SFT2D2: variants seen among roughly 807,000 people sequenced by gnomAD.
The protein encoded by SFT2D2 is vesicle transport protein SFT2B.
In SFT2D2, 21 loss-of-function variants were observed where a neutral mutation model predicts 27.4. The observed-to-expected ratio is 0.77, with a 90% CI of 0.54 to 1.10. SFT2D2 has a LOEUF of 1.10. Among genes scored for constraint, SFT2D2 ranks in the 50% least tolerant of loss-of-function variants. The probability of loss-of-function intolerance (pLI) is 0.00; values close to 1 mark genes in which losing one functional copy is unlikely to be tolerated. For synonymous variants in SFT2D2, 72 were observed against 71.7 expected, an observed-to-expected ratio of 1.00 and a Z score of -0.02; for missense variants, 187 against 194.2, an observed-to-expected ratio of 0.96 and a Z score of 0.22.
At chr1:168,235,346 A>G (rs1464842195) in intron 4 of SFT2D2, among the ~76,000 whole-genome samples, 164 bp downstream of exon 4, 1 of 152,162 alleles carries the variant, frequency 6.6e-6, no homozygotes, top group Non-Finnish European at 1.5e-5. Flanking sequence ...TCTAAGTAAT[A>G]CTACGATCCC....
chr1:168,236,532 G>GT (rs919851992), intron 4 of SFT2D2, 57 bp from the exon 5 acceptor site: 21,395 of 1,253,306 alleles, frequency 0.017, no homozygotes, highest in Non-Finnish European at 0.019. Context: ...CAAGTTTTGA[G>GT]TTTTTTTTTT....
chr1:168,245,378 CT>C lies in SFT2D2; in HGVS notation c.*2840del, dbSNP rs947041486. ...TACAATAGCATTAAAATATAAAATT[CT>C]TGGGAATAAACCCGACAAACTATGT... On this transcript the variant is annotated 3_prime_UTR_variant, in exon 8 of 8. Coordinates refer to ENST00000271375, the MANE Select transcript of SFT2D2 (RefSeq NM_199344.3). 2 of 152,060 alleles carry C rather than the reference CT, an allele frequency of 1.3e-5. No individual in the cohort carries two copies. Among genetic ancestry groups the C allele is most frequent in the Non-Finnish European group, 2.9e-5 (2 of 68,010 alleles). The allele number at this position is 152,060 out of a possible 1,614,324, so 9.4% of individuals were successfully genotyped here.
At position 168,230,671 on chromosome 1, in the gene SFT2D2, C is replaced by T. The variant is rs190063486; in HGVS notation, c.64-843C>T. ...TGTATTTTTAGTAGAGACAAGGTTT[C>T]GCCATGTTGGTCAGGCTGGTCTCGA... On this transcript the variant is annotated intron_variant, in intron 1 of 7. Transcript: ENST00000271375. 4.1e-3 allele frequency among the ~76,000 whole-genome samples: 630 copies of T among 152,228 alleles called. 4 individuals are homozygous for T. The highest frequency in any genetic ancestry group is 7.2e-3 in the Non-Finnish European group (488 of 68,012).
At position 168,246,030 on chromosome 1, in the gene SFT2D2, C is replaced by T. The variant is rs968864993; in HGVS notation, c.*3490C>T. On this transcript the variant is annotated 3_prime_UTR_variant, in exon 8 of 8. Transcript: ENST00000271375. ...CTCACTTTCTCAATGGACGCAGTGA[C>T]GCAATGAAGCATCCAGCAAAGCTTT... is the stretch of plus-strand genomic sequence containing the variant. 6.4e-5 allele frequency: 14 copies of T among 219,190 alleles called. No homozygotes were observed. The highest frequency in any genetic ancestry group is 1.6e-4 in the Admixed American group (3 of 18,434). The allele number at this position is 219,190 out of a possible 1,614,324, so 13.6% of individuals were successfully genotyped here.
chr1:168,240,122 TCGAGATGG>T (rs1647610214), intron 7 of SFT2D2, among the ~76,000 whole-genome samples: 1 of 142,212 alleles, frequency 7.0e-6, no homozygotes, highest in Non-Finnish European at 1.5e-5. Context: ...TTGCAGTGAG[TCGAGATGG>T]CGCCACTGCA....
In SFT2D2 at chr1:168,231,851, G is replaced by T. The variant is rs1304937627; in HGVS notation, c.168G>T (p.Trp56Cys). 1.2e-6 allele frequency: 2 copies of T among 1,613,968 alleles called. No individual in the cohort carries two copies. The highest frequency in any genetic ancestry group is 1.7e-6 in the Non-Finnish European group (2 of 1,180,006). The part of the protein sequence containing the change: ...LCSLLGTVLL[W>C]VPRKGLHLFA... ...AATTCCAGGGTACTGTTCTGCTGTGGGTGCCCAGGAAGGGACTACACCTCT... is the reference window on the plus strand; with the variant it reads ...AATTCCAGGGTACTGTTCTGCTGTGTGTGCCCAGGAAGGGACTACACCTCT... Residue 56 changes from tryptophan (W) to cysteine (C), a missense_variant, in exon 3 of 8, where the codon TGG (tryptophan) becomes TGT (cysteine). Transcript: ENST00000271375.
chr1:168,242,700 C>A lies in SFT2D2; in HGVS notation c.*160C>A. ...AACATTTGAGGGTTACTTTTGGAAG[C>A]AACAATACATTCTCGAACCTGAATG... On this transcript the variant is annotated 3_prime_UTR_variant, in exon 8 of 8. Transcript: ENST00000271375. 1.2e-6 allele frequency: 1 copy of A among 833,912 alleles called. No homozygotes were observed. Among genetic ancestry groups the A allele is most frequent in the Non-Finnish European group, 2.0e-6 (1 of 502,756 alleles). The allele number at this position is 833,912 out of a possible 1,614,324, so 51.7% of individuals were successfully genotyped here. A position where few individuals can be genotyped will look rare whatever the true frequency, so the allele number is the denominator to read the frequency against.
In SFT2D2 at chr1:168,246,426, A is replaced by C; in HGVS notation, c.*3886A>C. On this transcript the variant is annotated 3_prime_UTR_variant, in exon 8 of 8. Transcript: ENST00000271375. ...TGTGTACATTTTTTCAATGTCCTTC[A>C]TTTGACACCGTTTGGTTTAGCTCTC... is the stretch of plus-strand genomic sequence containing the variant. The C allele has an allele frequency of 9.7e-7, 1 of 1,026,086 alleles. No individual in the cohort carries two copies. The highest frequency in any genetic ancestry group is 1.4e-6 in the Non-Finnish European group (1 of 738,512). 63.6% of individuals were successfully genotyped at this position (1,026,086 alleles called of 1,614,324 possible). A position where few individuals can be genotyped will look rare whatever the true frequency, so the allele number is the denominator to read the frequency against.
chr1:168,231,423 A>T, intron 1 of SFT2D2, 91 bp from the exon 2 acceptor site: 2 of 1,122,530 alleles, frequency 1.8e-6, no homozygotes, highest in Non-Finnish European at 2.6e-6. Flanking sequence ...GCCTTCCCTA[A>T]TACAACTTAA....
At chr1:168,229,607 C>G (rs939684991) in intron 1 of SFT2D2, 3 of 152,312 alleles carry the variant, frequency 2.0e-5, no homozygotes, top group Non-Finnish European at 4.4e-5. Flanking sequence ...TACAGACAAG[C>G]CATGCCAATC....
At chr1:168,233,751 T>C (rs1647396639) in intron 3 of SFT2D2, among the ~76,000 whole-genome samples, 1 of 152,178 alleles carries the variant, frequency 6.6e-6, no homozygotes, top group Non-Finnish European at 1.5e-5. Context: ...CAAATCCCTA[T>C]GGGCTGGATT....
chr1:168,238,698 A>C (rs1022455948), intron 6 of SFT2D2, among the ~76,000 whole-genome samples: 14 of 142,570 alleles, frequency 9.8e-5, no homozygotes, highest in Non-Finnish European at 1.8e-4. Context: ...ACCCTGTCTC[A>C]AAAAAAAAAA....
chr1:168,232,020 A>G (rs181998413), intron 3 of SFT2D2, 101 bp downstream of exon 3: 53 of 915,610 alleles, frequency 5.8e-5, no homozygotes, highest in Non-Finnish European at 8.7e-5. Flanking sequence ...CAGTAGTTGT[A>G]AGGAATTTGG....
intron 6 of SFT2D2, 52 bp downstream of exon 6, chr1:168,236,822 G>A (rs767330803): frequency 1.3e-6 from 2 of 1,576,174 alleles, no homozygotes; most frequent in Admixed American, 1.7e-5. Flanking sequence ...GAATAATGTA[G>A]CCAAAGGAGA....
rs1177670903 is a variant in SFT2D2, at chr1:168,245,641, A to G, written c.*3101A>G. The G allele has an allele frequency of 6.8e-6, 1 of 147,162 alleles. No individual in the cohort carries two copies. The highest frequency in any genetic ancestry group is 2.5e-5 in the African/African-American group (1 of 39,784). 9.1% of individuals were successfully genotyped at this position (147,162 alleles called of 1,614,324 possible). On this transcript the variant is annotated 3_prime_UTR_variant, in exon 8 of 8. Coordinates refer to ENST00000271375, the MANE Select transcript of SFT2D2 (RefSeq NM_199344.3). The stretch of plus-strand genomic sequence containing the variant: ...GGCATGCAGATGATCTAGAAGATCC[A>G]CAGTAACTCTCCTGCTGTGCAGCTG...
intron 1 of SFT2D2, among the ~76,000 whole-genome samples, chr1:168,226,496 G>A (rs1288420130): frequency 6.6e-6 from 1 of 152,140 alleles, no homozygotes; most frequent in Admixed American, 6.5e-5. Flanking sequence ...GGGCCCCGAG[G>A]TCCAGGCGGA....
chr1:168,231,845 G>C lies in SFT2D2; in HGVS notation c.162G>C (p.Leu54=). The change falls in exon 3 of 8, where the codon CTG becomes CTC. Residue 54 remains leucine, a synonymous_variant. Coordinates refer to ENST00000271375, the MANE Select transcript of SFT2D2 (RefSeq NM_199344.3). ...ACTTTAAATTCCAGGGTACTGTTCT[G>C]CTGTGGGTGCCCAGGAAGGGACTAC... ...GILCSLLGTV[L]LWVPRKGLHL... The C allele has an allele frequency of 6.2e-7, 1 of 1,614,118 alleles. No homozygotes were observed. The highest frequency in any genetic ancestry group is 8.5e-7 in the Non-Finnish European group (1 of 1,179,980).
chr1:168,238,574 T>C (rs888919537), intron 6 of SFT2D2, among the ~76,000 whole-genome samples: 1 of 151,914 alleles, frequency 6.6e-6, no homozygotes. Flanking sequence ...CCAGCAATTC[T>C]GGAGGCTGAG....
chr1:168,248,759 T>G lies in SFT2D2; in HGVS notation c.*6219T>G, dbSNP rs1305998291. Reference sequence around the variant, plus strand: ...GGTAGGCTATTAATTACTGCCTCAATTTCAGAACTTGTTATTGGTCTATTC... The same window carrying G: ...GGTAGGCTATTAATTACTGCCTCAAGTTCAGAACTTGTTATTGGTCTATTC... On this transcript the variant is annotated 3_prime_UTR_variant, in exon 8 of 8. Coordinates refer to ENST00000271375, the MANE Select transcript of SFT2D2 (RefSeq NM_199344.3). 1 of 152,240 alleles carries G rather than the reference T, an allele frequency of 6.6e-6. No homozygotes were observed. Among genetic ancestry groups the G allele is most frequent in the African/African-American group, 2.4e-5 (1 of 41,464 alleles). 9.4% of individuals were successfully genotyped at this position (152,240 alleles called of 1,614,324 possible). A position where few individuals can be genotyped will look rare whatever the true frequency, so the allele number is the denominator to read the frequency against.
Sources: allele counts gnomAD v4.1 joint callset (sites outside exome capture counted in the v4.1 genomes callset), GRCh38; gene constraint gnomAD v4.1.1; transcripts MANE v1.5; gene names NCBI Gene and HGNC (gene_info 2026-07-23, HGNC 2026-07-21).